Variants in CAMKK2 observed in about 807,000 individuals in gnomAD.
The protein encoded by CAMKK2 is calcium/calmodulin dependent protein kinase kinase 2, also known as calcium/calmodulin-dependent protein kinase kinase 2.
A neutral mutation model predicts 67.2 loss-of-function variants in CAMKK2; 30 were observed. That is an observed-to-expected ratio of 0.45 (90% CI 0.33 to 0.61). CAMKK2 has a LOEUF of 0.61. Ranked by LOEUF, CAMKK2 falls within the 20% of genes least tolerant of loss-of-function variation. The probability of loss-of-function intolerance (pLI) is 0.02; values close to 1 mark genes in which losing one functional copy is unlikely to be tolerated. For synonymous variants in CAMKK2, 322 were observed against 326.2 expected, an observed-to-expected ratio of 0.99 and a Z score of 0.14; for missense variants, 643 against 802.0, an observed-to-expected ratio of 0.80 and a Z score of 2.39.
At chr12:121,252,414 A>T (rs558454370) in intron 11 of CAMKK2, among the ~76,000 whole-genome samples, 6 of 152,330 alleles carry the variant, frequency 3.9e-5, no homozygotes, top group African/African-American at 1.2e-4. Flanking sequence ...GACTATAGGC[A>T]TGCGCCATCA....
chr12:121,270,048 C>CA (rs35521034), intron 3 of CAMKK2, among the ~76,000 whole-genome samples: 3,576 of 147,146 alleles, frequency 0.024, 143 homozygotes, highest in African/African-American at 0.084. Flanking sequence ...AATTCAGTCT[C>CA]AAAAAAAAAC....
intron 5 of CAMKK2, among the ~76,000 whole-genome samples, chr12:121,264,557 A>G (rs4474521): frequency 0.58 from 88,612 of 151,550 alleles, 28,667 homozygotes; most frequent in African/African-American, 0.88. Context: ...GGTGGATCAC[A>G]AGGTCAGGAG....
At chr12:121,255,836 T>G in intron 7 of CAMKK2, 32 bp from the exon 8 acceptor site, 1 of 1,610,966 alleles carries the variant, frequency 6.2e-7, no homozygotes, top group African/African-American at 1.3e-5. Context: ...AACTGTTACA[T>G]GGGAAACTGA....
chr12:121,271,027 C>A (rs1362603038), intron 2 of CAMKK2, 82 bp from the exon 3 acceptor site: 1 of 1,124,768 alleles, frequency 8.9e-7, no homozygotes, highest in East Asian at 2.4e-5. Context: ...CACCTACAAG[C>A]CCTTCAGGAG....
intron 15 of CAMKK2, 57 bp from the exon 16 acceptor site, chr12:121,244,672 G>A: frequency 1.4e-6 from 2 of 1,400,224 alleles, no homozygotes; most frequent in Non-Finnish European, 2.0e-6. Flanking sequence ...GGGATCCACG[G>A]GATGCCCGTT....
chr12:121,266,980 G>A (rs1894681823), intron 5 of CAMKK2, among the ~76,000 whole-genome samples: 1 of 132,482 alleles, frequency 7.5e-6, no homozygotes, highest in Non-Finnish European at 1.6e-5. Context: ...AAAGAGGTCA[G>A]CAAGAAACTG....
At chr12:121,271,790 C>T (rs1895833397) in intron 2 of CAMKK2, among the ~76,000 whole-genome samples, 1 of 152,186 alleles carries the variant, frequency 6.6e-6, no homozygotes, top group African/African-American at 2.4e-5. Flanking sequence ...TCACCGCAAC[C>T]TCCGCCTCCC....
At chr12:121,251,138 G>A (rs1205021168) in intron 11 of CAMKK2, among the ~76,000 whole-genome samples, 1 of 152,214 alleles carries the variant, frequency 6.6e-6, no homozygotes, top group Non-Finnish European at 1.5e-5. Flanking sequence ...TAAGGAAAAC[G>A]ATTTCATTAA....
chr12:121,297,814 A>T (rs1901550707), upstream of CAMKK2: 1 of 442,016 alleles, frequency 2.3e-6, no homozygotes, highest in Non-Finnish European at 4.6e-6. Flanking sequence ...GGCCGTAGGG[A>T]CACTCACATG....
In CAMKK2 at chr12:121,240,918, G is replaced by A. The variant is rs1888257557; in HGVS notation, c.1597-49C>T. ...CATTAAGACTCTGAGAAATGCCAGCGAGGCCCTGAGCCAGCTGCTCCCACA... is the reference window on the plus strand; with the variant it reads ...CATTAAGACTCTGAGAAATGCCAGCAAGGCCCTGAGCCAGCTGCTCCCACA... On this transcript the variant is annotated intron_variant, in intron 16 of 16. Transcript: ENST00000404169. This position sits in a 1 kb window ranked among gnomAD's most constrained non-coding sequence, Gnocchi z 4.4. 2 of 1,594,226 alleles carry A rather than the reference G, an allele frequency of 1.3e-6. No individual in the cohort carries two copies. Among genetic ancestry groups the A allele is most frequent in the African/African-American group, 1.3e-5 (1 of 74,598 alleles).
chr12:121,245,709 C>T lies in CAMKK2; in HGVS notation c.1453-469G>A, dbSNP rs1889312495. On this transcript the variant is annotated intron_variant, in intron 14 of 16. Transcript: ENST00000404169. The surrounding 1 kb of genome is among the most constrained non-coding windows in gnomAD (Gnocchi z 5.8). The stretch of plus-strand genomic sequence containing the variant: ...TGGCCTGAGGGCCCCATAAGAGTCA[C>T]TGGGCCCCTCACCCCACCCCAACCA... Among the ~76,000 whole-genome samples the T allele has an allele frequency of 6.6e-6, 1 of 152,242 alleles. No individual in the cohort carries two copies. The highest frequency in any genetic ancestry group is 2.4e-5 in the African/African-American group (1 of 41,466).
intron 1 of CAMKK2, among the ~76,000 whole-genome samples, chr12:121,281,297 C>T (rs956968501): frequency 2.1e-4 from 32 of 152,244 alleles, no homozygotes; most frequent in African/African-American, 7.7e-4. Context: ...CCAGTGGGTG[C>T]CAAAGAGGTG....
At chr12:121,282,952 A>C (rs1331058488) in intron 1 of CAMKK2, among the ~76,000 whole-genome samples, 1 of 151,996 alleles carries the variant, frequency 6.6e-6, no homozygotes, top group East Asian at 1.9e-4. Flanking sequence ...ACAGGGTTTC[A>C]CCATGTTGGT....
chr12:121,273,950 G>T, intron 2 of CAMKK2, 106 bp downstream of exon 2: 1 of 893,876 alleles, frequency 1.1e-6, no homozygotes, highest in Non-Finnish European at 1.6e-6. Context: ...GTCAACCGTG[G>T]CACTCAGATC....
chr12:121,276,542 T>C (rs1369473142), intron 1 of CAMKK2, among the ~76,000 whole-genome samples: 1 of 152,220 alleles, frequency 6.6e-6, no homozygotes, highest in Non-Finnish European at 1.5e-5. Context: ...GGACAGAACA[T>C]TAACCTTTGC....
At chr12:121,279,453 G>A (rs1438348291) in intron 1 of CAMKK2, among the ~76,000 whole-genome samples, 1 of 152,184 alleles carries the variant, frequency 6.6e-6, no homozygotes, top group Non-Finnish European at 1.5e-5. Context: ...CCAACACTCT[G>A]TGCAGAAGAA....
intron 3 of CAMKK2, 34 bp downstream of exon 3, chr12:121,270,864 T>C (rs201090491): frequency 2.5e-6 from 4 of 1,584,516 alleles, no homozygotes; most frequent in South Asian, 2.2e-5. Context: ...CCCTGGTGAA[T>C]GCAGAAAGCC....
At chr12:121,269,721 T>C in intron 3 of CAMKK2, 140 bp from the exon 4 acceptor site, 1 of 685,094 alleles carries the variant, frequency 1.5e-6, no homozygotes, top group Non-Finnish European at 2.5e-6. Context: ...CCCAGGTTTT[T>C]ACAAAGTTTG....
intron 1 of CAMKK2, among the ~76,000 whole-genome samples, chr12:121,280,572 A>T (rs112078152): frequency 0.046 from 6,950 of 152,222 alleles, 500 homozygotes; most frequent in African/African-American, 0.16. Context: ...TTCTTTCAAA[A>T]GCAAATGGGA....
Sources: gnomAD v4.1 joint callset for allele counts (sites outside exome capture counted in the v4.1 genomes callset) on GRCh38, gnomAD v4.1.1 for gene constraint, Gnocchi (gnomAD v3.1) non-coding constraint, MANE v1.5 for transcripts, NCBI Gene and HGNC (gene_info 2026-07-23, HGNC 2026-07-21) for gene names.